SAMMSON: variants seen among roughly 807,000 people sequenced by gnomAD.
The protein encoded by SAMMSON is long intergenic non-protein coding RNA 1212.
At chr3:70,227,417 G>T (rs1701518042) in intron 4 of SAMMSON, among the ~76,000 whole-genome samples, 1 of 152,120 alleles carries the variant, frequency 6.6e-6, no homozygotes, top group Admixed American at 6.5e-5. Context: ...ATCAAGTTCT[G>T]CAAAGAAGGC....
At chr3:70,224,962 G>T (rs1261278001) in intron 4 of SAMMSON, among the ~76,000 whole-genome samples, 1 of 152,082 alleles carries the variant, frequency 6.6e-6, no homozygotes, top group Non-Finnish European at 1.5e-5. Flanking sequence ...TAAATACAAG[G>T]TTTTCATGAG....
chr3:70,304,560 T>C (rs958866229), intron 7 of SAMMSON, among the ~76,000 whole-genome samples: 2 of 152,142 alleles, frequency 1.3e-5, no homozygotes, highest in South Asian at 4.1e-4. Flanking sequence ...CAGCCTTTGA[T>C]TCCTTTCTTT....
At chr3:70,138,759 T>C (rs2067516151) in intron 4 of SAMMSON, among the ~76,000 whole-genome samples, 1 of 152,220 alleles carries the variant, frequency 6.6e-6, no homozygotes, top group Non-Finnish European at 1.5e-5. Flanking sequence ...TGAGTGAGAC[T>C]CAAGGTATGA....
At chr3:70,335,463 T>C (rs1040610539) in intron 7 of SAMMSON, among the ~76,000 whole-genome samples, 1 of 152,056 alleles carries the variant, frequency 6.6e-6, no homozygotes, top group African/African-American at 2.4e-5. Flanking sequence ...TCTAAGTTTT[T>C]TTTATAATAC....
At chr3:70,321,011 G>T (rs1204145794) in intron 7 of SAMMSON, among the ~76,000 whole-genome samples, 1 of 151,964 alleles carries the variant, frequency 6.6e-6, no homozygotes, top group African/African-American at 2.4e-5. Context: ...AAAAACCTGG[G>T]CAAGTCAGAA....
intron 7 of SAMMSON, among the ~76,000 whole-genome samples, chr3:70,293,767 C>G (rs1356832968): frequency 6.6e-6 from 1 of 151,702 alleles, no homozygotes; most frequent in Admixed American, 6.6e-5. Flanking sequence ...AAAAATATAA[C>G]AATGAGTATC....
At chr3:70,078,438 C>T (rs2067256489) in intron 4 of SAMMSON, among the ~76,000 whole-genome samples, 1 of 152,028 alleles carries the variant, frequency 6.6e-6, no homozygotes, top group African/African-American at 2.4e-5. Context: ...TGTGGTGGCC[C>T]TGATTCCAGA....
At chr3:70,005,929 A>G (rs986179333) in intron 1 of SAMMSON, among the ~76,000 whole-genome samples, 1 of 152,198 alleles carries the variant, frequency 6.6e-6, no homozygotes, top group Non-Finnish European at 1.5e-5. Flanking sequence ...GGCCACCCCT[A>G]TAGAAACTTG....
At chr3:70,106,967 A>G (rs1330295879) in intron 4 of SAMMSON, among the ~76,000 whole-genome samples, 1 of 152,242 alleles carries the variant, frequency 6.6e-6, no homozygotes, top group Non-Finnish European at 1.5e-5. Flanking sequence ...AATCTGAGTG[A>G]CATCCACAAC....
intron 4 of SAMMSON, among the ~76,000 whole-genome samples, chr3:70,170,952 G>A (rs975447747): frequency 6.6e-6 from 1 of 151,824 alleles, no homozygotes; most frequent in South Asian, 2.1e-4. Flanking sequence ...TTCTGCCTGT[G>A]TAATAACTGC....
In SAMMSON at chr3:70,027,039, C is replaced by T. The variant is rs915099438; in HGVS notation, n.417+13367C>T. 3.9e-5 allele frequency among the ~76,000 whole-genome samples: 6 copies of T among 152,218 alleles called. No homozygotes were observed. In the East Asian group the frequency reaches 9.7e-4, roughly 25 times the overall value. On this transcript the variant is annotated intron_variant and non_coding_transcript_variant, in intron 3 of 9. Transcript: ENST00000642114. ...GTTTGTAAAATGGGTTCTTTAAAAC[C>T]ATTTTAACAAAGAAGTCTGCGACCC...
chr3:70,060,862 A>G (rs544918902), intron 3 of SAMMSON, among the ~76,000 whole-genome samples: 2 of 152,276 alleles, frequency 1.3e-5, no homozygotes, highest in Admixed American at 1.3e-4. Flanking sequence ...ATAATGGGTT[A>G]GACAGGCCAT....
intron 9 of SAMMSON, among the ~76,000 whole-genome samples, chr3:70,367,949 T>A (rs1245189741): frequency 1.3e-5 from 2 of 151,114 alleles, no homozygotes; most frequent in East Asian, 3.9e-4. Flanking sequence ...TTTTTGCCCA[T>A]TTTAAAATTG....
intron 4 of SAMMSON, among the ~76,000 whole-genome samples, chr3:70,158,811 A>G (rs1009043673): frequency 6.6e-6 from 1 of 152,146 alleles, no homozygotes; most frequent in African/African-American, 2.4e-5. Flanking sequence ...CTTTAGGAAA[A>G]CCTTGCTATT....
At chr3:70,028,382 T>G (rs1243450193) in intron 3 of SAMMSON, among the ~76,000 whole-genome samples, 1 of 152,102 alleles carries the variant, frequency 6.6e-6, no homozygotes, top group African/African-American at 2.4e-5. Context: ...GGTCTTTACT[T>G]TAGGCAGGAG....
At chr3:70,213,179 C>T (rs1040911665) in intron 4 of SAMMSON, among the ~76,000 whole-genome samples, 2 of 151,954 alleles carry the variant, frequency 1.3e-5, no homozygotes, top group African/African-American at 4.8e-5. Flanking sequence ...TTGATATGTT[C>T]CCAGGCTGGA....
At chr3:70,413,020 C>G (rs1701234073) in intron 2 of SAMMSON, among the ~76,000 whole-genome samples, 1 of 152,006 alleles carries the variant, frequency 6.6e-6, no homozygotes, top group Non-Finnish European at 1.5e-5. Context: ...TTCTTCTTAG[C>G]ACAGAACCGG....
At chr3:70,182,109 T>C (rs1028895227) in intron 4 of SAMMSON, among the ~76,000 whole-genome samples, 1 of 152,030 alleles carries the variant, frequency 6.6e-6, no homozygotes, top group Non-Finnish European at 1.5e-5. Context: ...CATTTTGCCT[T>C]CAGAAAGGGG....
chr3:70,432,237 G>A (rs566460018), intron 2 of SAMMSON, among the ~76,000 whole-genome samples: 1 of 151,802 alleles, frequency 6.6e-6, no homozygotes, highest in East Asian at 1.9e-4. Context: ...TGGATGTGAA[G>A]TGTTAACTCA....
Sources: gnomAD v4.1 joint callset for allele counts (sites outside exome capture counted in the v4.1 genomes callset) on GRCh38, gnomAD v4.1.1 for gene constraint, MANE v1.5 for transcripts, NCBI Gene and HGNC (gene_info 2026-07-23, HGNC 2026-07-21) for gene names.